Variants in MARCHF1 observed in about 807,000 individuals in gnomAD.
MARCHF1 encodes E3 ubiquitin-protein ligase MARCHF1.
Under a neutral mutation model 54.2 loss-of-function variants are expected in MARCHF1, and 40 were observed. That is an observed-to-expected ratio of 0.74 (90% CI 0.57 to 0.96). MARCHF1 has a LOEUF of 0.96. Ranked by LOEUF, MARCHF1 falls within the 40% of genes least tolerant of loss-of-function variation. The pLI, the probability that MARCHF1 is intolerant of heterozygous loss-of-function variation, is 0.00. For missense variants in MARCHF1, 586 were observed against 656.5 expected, an observed-to-expected ratio of 0.89 and a Z score of 1.17; for synonymous variants, 236 against 236.3, an observed-to-expected ratio of 1.00 and a Z score of 0.01.
intron 4 of MARCHF1, among the ~76,000 whole-genome samples, chr4:163,832,667 C>G (rs1419653582): frequency 1.3e-5 from 2 of 150,806 alleles, no homozygotes; most frequent in African/African-American, 4.9e-5. Context: ...TATACATGTG[C>G]CATGTTGGTG....
intron 2 of MARCHF1, among the ~76,000 whole-genome samples, chr4:164,006,130 A>G (rs1269692006): frequency 6.6e-6 from 1 of 152,218 alleles, no homozygotes; most frequent in Non-Finnish European, 1.5e-5. Context: ...AGATCCAGTG[A>G]CAGACCCAAA....
At chr4:164,196,987 T>C in intron 1 of MARCHF1, 1 of 1,604,046 alleles carries the variant, frequency 6.2e-7, no homozygotes, top group South Asian at 1.1e-5. Flanking sequence ...GTCATCATCT[T>C]CTCCCTCATC....
At chr4:164,379,498 A>G (rs192903286) in intron 1 of MARCHF1, among the ~76,000 whole-genome samples, 38 of 152,350 alleles carry the variant, frequency 2.5e-4, no homozygotes, top group African/African-American at 9.1e-4. Flanking sequence ...CTGATGAAAG[A>G]TAACAATCCA....
chr4:163,933,655 C>T (rs778249070), intron 3 of MARCHF1, among the ~76,000 whole-genome samples: 7 of 152,156 alleles, frequency 4.6e-5, no homozygotes, highest in Non-Finnish European at 1.0e-4. Context: ...TTCTACATTC[C>T]CTCCCATACT....
intron 5 of MARCHF1, among the ~76,000 whole-genome samples, chr4:163,693,405 A>G (rs747274974): frequency 2.6e-5 from 4 of 151,468 alleles, no homozygotes; most frequent in Non-Finnish European, 5.9e-5. Flanking sequence ...CCTCTTTAAC[A>G]GATGACTCAG....
chr4:164,164,677 T>C (rs547684709), intron 1 of MARCHF1, among the ~76,000 whole-genome samples: 1 of 151,960 alleles, frequency 6.6e-6, no homozygotes, highest in African/African-American at 2.4e-5. Context: ...TGGAAGAAAA[T>C]AGTGTTTCAA....
intron 1 of MARCHF1, among the ~76,000 whole-genome samples, chr4:164,211,297 C>A (rs1347654604): frequency 7.6e-6 from 1 of 132,384 alleles, no homozygotes; most frequent in Non-Finnish European, 1.6e-5. Context: ...TATATATATA[C>A]CACATTGCAA....
chr4:164,236,119 T>C (rs1480214586), intron 1 of MARCHF1, among the ~76,000 whole-genome samples: 2 of 152,054 alleles, frequency 1.3e-5, no homozygotes, highest in Non-Finnish European at 2.9e-5. Context: ...ACTTCACAAA[T>C]CACAATGAAC....
intron 5 of MARCHF1, among the ~76,000 whole-genome samples, chr4:163,676,226 A>G (rs1227175899): frequency 6.7e-6 from 1 of 150,370 alleles, no homozygotes; most frequent in Admixed American, 6.6e-5. Context: ...GCGTGGTGGC[A>G]GGCACCTGTA....
chr4:164,101,643 T>C, intron 2 of MARCHF1, among the ~76,000 whole-genome samples: 1 of 125,580 alleles, frequency 8.0e-6, no homozygotes, highest in Non-Finnish European at 1.7e-5. Flanking sequence ...CAAAAGTAGA[T>C]AAAACCACAA....
At chr4:163,626,083 T>A (rs982943051) in intron 5 of MARCHF1, among the ~76,000 whole-genome samples, 1 of 152,206 alleles carries the variant, frequency 6.6e-6, no homozygotes, top group Non-Finnish European at 1.5e-5. Flanking sequence ...TTCTTTGTAA[T>A]GGATGTTTAT....
chr4:164,334,169 C>T (rs755582162), intron 1 of MARCHF1, among the ~76,000 whole-genome samples: 2 of 152,094 alleles, frequency 1.3e-5, no homozygotes, highest in African/African-American at 2.4e-5. Context: ...GAATATCTAG[C>T]TAAGGTAATT....
chr4:164,110,123 T>TACACAC (rs70948699), intron 2 of MARCHF1, among the ~76,000 whole-genome samples: 3,345 of 145,986 alleles, frequency 0.023, 105 homozygotes, highest in African/African-American at 0.078. Context: ...GAATTGGAGA[T>TACACAC]ACACACACAC....
intron 3 of MARCHF1, among the ~76,000 whole-genome samples, chr4:163,874,936 G>T (rs1012643273): frequency 6.6e-6 from 1 of 151,986 alleles, no homozygotes; most frequent in Non-Finnish European, 1.5e-5. Context: ...AAAATTTATA[G>T]GAAAAAAACA....
intron 1 of MARCHF1, chr4:164,196,915 G>A (rs1194645279): frequency 6.7e-7 from 1 of 1,493,068 alleles, no homozygotes; most frequent in Non-Finnish European, 9.3e-7. Context: ...GAGGGGGGAG[G>A]GGATATGGGT....
chr4:163,538,127 T>A (rs1039356480), intron 9 of MARCHF1, among the ~76,000 whole-genome samples: 3 of 152,166 alleles, frequency 2.0e-5, no homozygotes, highest in Non-Finnish European at 2.9e-5. Flanking sequence ...TAGGGAAATT[T>A]ACATTTAAAG....
chr4:163,644,044 A>AT (rs1343288446), intron 5 of MARCHF1, among the ~76,000 whole-genome samples: 1 of 131,968 alleles, frequency 7.6e-6, no homozygotes, highest in Non-Finnish European at 1.8e-5. Flanking sequence ...CGCCTCTTCA[A>AT]AATTTTTTTT....
At chr4:164,177,206 T>C (rs7697191) in intron 1 of MARCHF1, among the ~76,000 whole-genome samples, 18,573 of 151,556 alleles carry the variant, frequency 0.12, 1,448 homozygotes, top group Admixed American at 0.21. Context: ...TACTGGCACA[T>C]AGAAACGGCT....
At position 163,533,351 on chromosome 4, in the gene MARCHF1, A is replaced by G. The variant is rs556061027; in HGVS notation, c.1340-4305T>C. Among the ~76,000 whole-genome samples the G allele has an allele frequency of 5.9e-5, 9 of 152,062 alleles. No homozygotes were observed. In the East Asian group the frequency reaches 1.7e-3, roughly 29 times the overall value. ...GTTTGCCAACAGTTTAGGAGGAGAA[A>G]GGAAGGGATGAATAGGTGGAACACA... On this transcript the variant is annotated intron_variant, in intron 9 of 9. Coordinates refer to ENST00000514618, the MANE Select transcript of MARCHF1 (RefSeq NM_001394959.1).
Sources: allele counts gnomAD v4.1 joint callset (sites outside exome capture counted in the v4.1 genomes callset), GRCh38; gene constraint gnomAD v4.1.1; transcripts MANE v1.5; gene names NCBI Gene and HGNC (gene_info 2026-07-23, HGNC 2026-07-21).